Variants in AGT observed in about 807,000 individuals in gnomAD.
AGT encodes the protein alpha-1 antiproteinase, antitrypsin.
AGT carries 26 observed loss-of-function variants against 28.1 expected under a neutral mutation model. The ratio of observed to expected loss-of-function variants is 0.92; its 90% CI spans 0.68 to 1.28. The LOEUF (loss-of-function observed/expected upper bound fraction) is 1.28, where lower values mean the gene tolerates loss of function less well. Ranked by LOEUF, AGT falls within the 50% of genes most tolerant of loss-of-function variation. The pLI, the probability that AGT is intolerant of heterozygous loss-of-function variation, is 0.00. For synonymous variants in AGT, 259 were observed against 259.6 expected (o/e 1.00, Z 0.02); for missense variants, 596 against 592.3 (o/e 1.01, Z -0.06).
In AGT at chr1:230,703,100, G is replaced by A. The variant is rs1164258475; in HGVS notation, c.*41C>T. 6.2e-7 allele frequency: 1 copy of A among 1,606,418 alleles called. No homozygotes were observed. The highest frequency in any genetic ancestry group is 1.3e-5 in the African/African-American group (1 of 74,732). ...GCTGGCCTTTGCCTCAAAGGCCAGGGGCAGAGGCCTTGCCAGGCACTGTGT... is the reference window on the plus strand; with the variant it reads ...GCTGGCCTTTGCCTCAAAGGCCAGGAGCAGAGGCCTTGCCAGGCACTGTGT... On this transcript the variant is annotated 3_prime_UTR_variant, in exon 5 of 5. Transcript: ENST00000366667.
chr1:230,738,581 C>T (rs1283792043), intron 1 of AGT, among the ~76,000 whole-genome samples: 4 of 152,190 alleles, frequency 2.6e-5, no homozygotes, highest in African/African-American at 9.7e-5. Context: ...TCGAAAGAGA[C>T]AAATAGTTCT....
chr1:230,705,308 T>C (rs964096171), intron 3 of AGT, among the ~76,000 whole-genome samples: 19 of 152,178 alleles, frequency 1.2e-4, no homozygotes, highest in Admixed American at 8.5e-4. Context: ...CCAGAGTTGA[T>C]GTCAAGCCAT....
intron 1 of AGT, among the ~76,000 whole-genome samples, chr1:230,712,738 G>C (rs1040819402): frequency 6.6e-6 from 1 of 152,196 alleles, no homozygotes; most frequent in African/African-American, 2.4e-5. Flanking sequence ...AGAGACTGTC[G>C]TTTGTTCTCA....
rs1020964414 is a variant in AGT, at chr1:230,704,342, G to A, written c.1098-5C>T. On this transcript the variant is annotated splice_region_variant and splice_polypyrimidine_tract_variant and intron_variant, in intron 3 of 4. Coordinates refer to ENST00000366667, the MANE Select transcript of AGT (RefSeq NM_001384479.1). ...GGCATGGTCAGGTGGATGGTCCTGG[G>A]GAGATGATGCACAGTTAGGAAGGCT... 2 of 1,613,970 alleles carry A rather than the reference G, an allele frequency of 1.2e-6. No homozygotes were observed. The highest frequency in any genetic ancestry group is 1.7e-6 in the Non-Finnish European group (2 of 1,180,012).
chr1:230,741,286 T>A (rs561173935), intron 1 of AGT, among the ~76,000 whole-genome samples: 64 of 152,278 alleles, frequency 4.2e-4, no homozygotes, highest in Non-Finnish European at 6.9e-4. Context: ...GAGGAAACTA[T>A]ATTCCACAAT....
In AGT at chr1:230,705,419, CA is replaced by C. The variant is rs1265051959; in HGVS notation, c.1097+513del. Among the ~76,000 whole-genome samples the C allele has an allele frequency of 2.0e-5, 3 of 152,170 alleles. No individual in the cohort carries two copies. The East Asian group carries it at 5.8e-4, about 29-fold the overall frequency. ...AGGGCTCTGTGGAAAGGAATTGCAGCAGGAAAGAGGAGCTAACAACACCTAT... is the reference window on the plus strand; with the variant it reads ...AGGGCTCTGTGGAAAGGAATTGCAGCGGAAAGAGGAGCTAACAACACCTAT... On this transcript the variant is annotated intron_variant, in intron 3 of 4. Coordinates refer to ENST00000366667, the MANE Select transcript of AGT (RefSeq NM_001384479.1).
At chr1:230,713,488 A>G (rs967033234) in intron 1 of AGT, among the ~76,000 whole-genome samples, 1 of 152,220 alleles carries the variant, frequency 6.6e-6, no homozygotes, top group Non-Finnish European at 1.5e-5. Flanking sequence ...AGCTTATCCC[A>G]AAGCTTAGAA....
At chr1:230,722,263 C>A (rs1663860166) in intron 1 of AGT, among the ~76,000 whole-genome samples, 1 of 152,196 alleles carries the variant, frequency 6.6e-6, no homozygotes, top group Non-Finnish European at 1.5e-5. Context: ...GGTTTGGGAA[C>A]CTAGATTTCA....
At position 230,725,724 on chromosome 1, in the gene AGT, G is replaced by A. The variant is rs58913515; in HGVS notation, c.-30-14871C>T. ...TACAGAAAACATTGCAAAGAAATTT[G>A]GAAAGAGAAATATCAGTTAATGCCT... is the stretch of plus-strand genomic sequence containing the variant. On this transcript the variant is annotated intron_variant, in intron 1 of 4. Transcript: ENST00000681269. 6.6e-3 allele frequency among the ~76,000 whole-genome samples: 1,002 copies of A among 152,204 alleles called. 13 individuals are homozygous for A. The highest frequency in any genetic ancestry group is 0.023 in the African/African-American group (949 of 41,532).
intron 1 of AGT, among the ~76,000 whole-genome samples, chr1:230,743,201 G>A (rs1664279994): frequency 6.6e-6 from 1 of 152,104 alleles, no homozygotes; most frequent in Admixed American, 6.5e-5. Flanking sequence ...ATGTTGGCCA[G>A]GCTGGTCTTG....
At chr1:230,729,785 T>TAC (rs973414196) in intron 1 of AGT, among the ~76,000 whole-genome samples, 1 of 75,170 alleles carries the variant, frequency 1.3e-5, no homozygotes, top group Non-Finnish European at 2.4e-5. Flanking sequence ...CTCTTACTAC[T>TAC]TATGTCACCC....
rs61762537 is a variant in AGT at position 230,710,142 on chromosome 1, G to A, written c.682C>T (p.Arg228Cys). ...LALYTPVVLP[R>C]SLDFTELDVA... Reference sequence around the variant, plus strand: ...TCCAGTTCTGTGAAGTCCAGAGAGCGTGGGAGGACCACAGGGGTATAGAGA... The same window carrying A: ...TCCAGTTCTGTGAAGTCCAGAGAGCATGGGAGGACCACAGGGGTATAGAGA... The change falls in exon 2 of 5, where the codon CGC (arginine) becomes TGC (cysteine). Residue 228 changes from arginine to cysteine, a missense_variant. Transcript: ENST00000366667. 2.2e-5 allele frequency: 36 copies of A among 1,614,062 alleles called. No individual in the cohort carries two copies. Among genetic ancestry groups the A allele is most frequent in the South Asian group, 5.5e-5 (5 of 91,094 alleles).
At position 230,710,684 on chromosome 1, in the gene AGT, T is replaced by A. The variant is rs776457415; in HGVS notation, c.140A>T (p.Lys47Met). 1 of 1,614,212 alleles carries A rather than the reference T, an allele frequency of 6.2e-7. No homozygotes were observed. Among genetic ancestry groups the A allele is most frequent in the Admixed American group, 1.7e-5 (1 of 60,024 alleles). The change falls in exon 2 of 5, where the codon AAG becomes ATG. Residue 47 changes from lysine (K) to methionine (M), a missense_variant. Physicochemically the swap from Lys to Met is moderately conservative, Grantham distance 95. Transcript: ENST00000366667. Reference protein sequence around the residue: ...HNESTCEQLAKANAGKPKDPT... With the variant: ...HNESTCEQLAMANAGKPKDPT... The stretch of plus-strand genomic sequence containing the variant: ...GTCTTTGGGCTTCCCGGCATTGGCC[T>A]TTGCCAGCTGCTCACAGGTACTCTC...
rs552595450 is a variant in AGT, at chr1:230,727,712, C to A, written c.-30-16859G>T. Among the ~76,000 whole-genome samples, 4 of 152,292 alleles carry A rather than the reference C, an allele frequency of 2.6e-5. No homozygotes were observed. In the South Asian group the frequency reaches 6.2e-4, roughly 24 times the overall value. On this transcript the variant is annotated intron_variant, in intron 1 of 4. Transcript: ENST00000681269. ...AATGACTTCTAGGGAACCAATAATT[C>A]TCATCTTTTATGAGTAATTATTGAT... is the stretch of plus-strand genomic sequence containing the variant.
chr1:230,706,972 TAGAATAC>T (rs934893541), intron 2 of AGT, among the ~76,000 whole-genome samples: 2 of 152,070 alleles, frequency 1.3e-5, no homozygotes, highest in African/African-American at 4.8e-5. Flanking sequence ...ATCACAGTCA[TAGAATAC>T]AGAGTGGGCC....
intron 1 of AGT, 150 bp from the exon 2 acceptor site, chr1:230,711,003 T>A: frequency 1.8e-6 from 2 of 1,118,754 alleles, no homozygotes; most frequent in Non-Finnish European, 2.5e-6. Context: ...AGAAATGGAT[T>A]CAAAGCTCCA....
chr1:230,739,340 A>G (rs949961584), intron 1 of AGT, among the ~76,000 whole-genome samples: 1 of 152,004 alleles, frequency 6.6e-6, no homozygotes, highest in African/African-American at 2.4e-5. Context: ...TGTCTCTAAA[A>G]TAAAATAATA....
At chr1:230,733,612 TGAAAACA>T (rs1664106080) in intron 1 of AGT, among the ~76,000 whole-genome samples, 1 of 152,162 alleles carries the variant, frequency 6.6e-6, no homozygotes, top group Admixed American at 6.5e-5. Flanking sequence ...GCTTATTGTG[TGAAAACA>T]GAAGGCACTA....
chr1:230,731,462 G>A (rs938488123), intron 1 of AGT, among the ~76,000 whole-genome samples: 3 of 152,206 alleles, frequency 2.0e-5, no homozygotes, highest in Non-Finnish European at 2.9e-5. Flanking sequence ...AATCCTTGCC[G>A]TGTGCAGTCA....
Sources: gnomAD v4.1 joint callset for allele counts (sites outside exome capture counted in the v4.1 genomes callset) on GRCh38, gnomAD v4.1.1 for gene constraint, MANE v1.5 for transcripts, NCBI Gene and HGNC (gene_info 2026-07-23, HGNC 2026-07-21) for gene names.